KCNIP4: variants seen among roughly 807,000 people sequenced by gnomAD.
KCNIP4 encodes the protein Kv channel-interacting protein 4.
Under a neutral mutation model 34.0 loss-of-function variants are expected in KCNIP4, and 12 were observed. The observed-to-expected ratio is 0.35, with a 90% CI of 0.23 to 0.57. The LOEUF (loss-of-function observed/expected upper bound fraction) is 0.57, where lower values mean the gene tolerates loss of function less well. Among genes scored for constraint, KCNIP4 ranks in the 20% least tolerant of loss-of-function variants. The pLI, the probability that KCNIP4 is intolerant of heterozygous loss-of-function variation, is 0.83. For missense variants in KCNIP4, 238 were observed against 311.7 expected, an observed-to-expected ratio of 0.76 and a Z score of 1.78; for synonymous variants, 124 against 102.2, an observed-to-expected ratio of 1.21 and a Z score of -1.29.
intron 1 of KCNIP4, among the ~76,000 whole-genome samples, chr4:20,967,530 T>G (rs6830883): frequency 0.042 from 6,426 of 152,252 alleles, 437 homozygotes; most frequent in African/African-American, 0.14. Flanking sequence ...CTTCAAACTA[T>G]ACTACAAGGC....
At chr4:21,610,730 A>G (rs1291860772) in intron 1 of KCNIP4, among the ~76,000 whole-genome samples, 1 of 152,172 alleles carries the variant, frequency 6.6e-6, no homozygotes, top group Admixed American at 6.6e-5. Context: ...GTAATTTATA[A>G]AAGAAAGAGG....
chr4:20,866,142 C>G (rs769072923), intron 2 of KCNIP4, among the ~76,000 whole-genome samples: 1 of 151,986 alleles, frequency 6.6e-6, no homozygotes, highest in Admixed American at 6.6e-5. Flanking sequence ...AGGAGCCCCT[C>G]CCTAACTCAT....
chr4:21,891,775 C>T (rs1727109457), intron 1 of KCNIP4, among the ~76,000 whole-genome samples: 1 of 152,048 alleles, frequency 6.6e-6, no homozygotes, highest in South Asian at 2.1e-4. Context: ...CCTGGCTCAC[C>T]GGTTTCTGAA....
intron 1 of KCNIP4, among the ~76,000 whole-genome samples, chr4:21,271,712 A>C (rs1762153256): frequency 6.6e-6 from 1 of 152,152 alleles, no homozygotes; most frequent in Non-Finnish European, 1.5e-5. Flanking sequence ...GGGAGAAATA[A>C]AATCCTTCCG....
chr4:20,978,776 A>C (rs1319637274), intron 1 of KCNIP4, among the ~76,000 whole-genome samples: 1 of 152,102 alleles, frequency 6.6e-6, no homozygotes, highest in Non-Finnish European at 1.5e-5. Context: ...ATGATGTATT[A>C]TATTTTTTAT....
intron 1 of KCNIP4, among the ~76,000 whole-genome samples, chr4:21,941,368 G>T (rs1356533607): frequency 2.0e-5 from 3 of 151,948 alleles, no homozygotes; most frequent in Admixed American, 2.0e-4. Flanking sequence ...TTCTGATCTG[G>T]GCTATGATAA....
chr4:20,782,847 A>AT (rs1756990076), intron 3 of KCNIP4, among the ~76,000 whole-genome samples: 1 of 152,070 alleles, frequency 6.6e-6, no homozygotes, highest in Non-Finnish European at 1.5e-5. Flanking sequence ...AGAAAATGGG[A>AT]TTTTCTTTCC....
At chr4:21,298,230 A>G (rs889418789) in intron 1 of KCNIP4, among the ~76,000 whole-genome samples, 3 of 152,170 alleles carry the variant, frequency 2.0e-5, no homozygotes, top group Admixed American at 2.0e-4. Flanking sequence ...AACTAGAACC[A>G]TCAGTGCTCC....
chr4:20,782,682 AT>A (rs1375269376), intron 3 of KCNIP4, among the ~76,000 whole-genome samples: 4 of 151,780 alleles, frequency 2.6e-5, no homozygotes, highest in South Asian at 4.2e-4. Context: ...CAACGAAACC[AT>A]TTTTTTCCTC....
At chr4:21,080,013 G>A (rs907466490) in intron 1 of KCNIP4, among the ~76,000 whole-genome samples, 1 of 151,870 alleles carries the variant, frequency 6.6e-6, no homozygotes, top group African/African-American at 2.4e-5. Context: ...AAAACTGAAA[G>A]ATAGTAAATT....
chr4:20,908,287 G>T (rs1216809032), intron 1 of KCNIP4, among the ~76,000 whole-genome samples: 5 of 152,086 alleles, frequency 3.3e-5, no homozygotes, highest in Admixed American at 6.5e-5. Context: ...TTCACTAGAG[G>T]CAGGGCTTCA....
At position 20,771,707 on chromosome 4, in the gene KCNIP4, C is replaced by T. The variant is rs148540996; in HGVS notation, c.289-12817G>A. ...TTTTTTGAGACAGAATCTCGCTCTG[C>T]CGCCCAGGCTGGAGTGCAGTGCTGC... On this transcript the variant is annotated intron_variant, in intron 3 of 8. Coordinates refer to ENST00000382152, the MANE Select transcript of KCNIP4 (RefSeq NM_025221.6). 5.0e-3 allele frequency among the ~76,000 whole-genome samples: 759 copies of T among 151,736 alleles called. 7 individuals carry two copies. The highest frequency in any genetic ancestry group is 0.04 in the South Asian group (191 of 4,792).
intron 2 of KCNIP4, among the ~76,000 whole-genome samples, chr4:20,854,730 T>G (rs10938815): frequency 0.35 from 53,603 of 152,014 alleles, 10,459 homozygotes; most frequent in Admixed American, 0.46. Context: ...AAAATGTTCA[T>G]ATTAGGTGCT....
intron 1 of KCNIP4, among the ~76,000 whole-genome samples, chr4:21,405,186 G>A (rs760839398): frequency 1.3e-5 from 2 of 152,030 alleles, no homozygotes; most frequent in East Asian, 1.9e-4. Flanking sequence ...GTAATTTTCC[G>A]TCCACTAACA....
At chr4:21,118,862 G>A (rs984830242) in intron 1 of KCNIP4, among the ~76,000 whole-genome samples, 1 of 152,148 alleles carries the variant, frequency 6.6e-6, no homozygotes, top group African/African-American at 2.4e-5. Flanking sequence ...ACAGAGGCTT[G>A]ACTTCTTGCC....
chr4:21,750,079 T>G (rs1286004916), intron 1 of KCNIP4, among the ~76,000 whole-genome samples: 1 of 152,178 alleles, frequency 6.6e-6, no homozygotes, highest in African/African-American at 2.4e-5. Context: ...TGAAATCTTG[T>G]GCCCATCCTC....
intron 1 of KCNIP4, among the ~76,000 whole-genome samples, chr4:21,912,689 A>C (rs1230310208): frequency 1.3e-5 from 2 of 152,118 alleles, no homozygotes; most frequent in Non-Finnish European, 2.9e-5. Flanking sequence ...AGGGTGGCAT[A>C]GCTTAAGGAT....
chr4:21,308,677 T>G lies in KCNIP4; in HGVS notation c.62-425968A>C, dbSNP rs571298949. 9.9e-5 allele frequency among the ~76,000 whole-genome samples: 15 copies of G among 151,820 alleles called. No individual in the cohort carries two copies. The East Asian group carries it at 2.9e-3, about 29-fold the overall frequency. On this transcript the variant is annotated intron_variant, in intron 1 of 8. Coordinates refer to ENST00000382152, the MANE Select transcript of KCNIP4 (RefSeq NM_025221.6). ...TTTCTCGCCCTTTCTGCATTAATGT[T>G]AGATACAAGAAAGTTCTGTGCCCCT... is the stretch of plus-strand genomic sequence containing the variant.
At chr4:21,660,282 C>G (rs1560602074) in intron 1 of KCNIP4, among the ~76,000 whole-genome samples, 2 of 152,160 alleles carry the variant, frequency 1.3e-5, no homozygotes, top group Admixed American at 6.6e-5. Flanking sequence ...CTTCATATCT[C>G]CTAAATGACC....
Sources: allele counts gnomAD v4.1 joint callset (sites outside exome capture counted in the v4.1 genomes callset), GRCh38; gene constraint gnomAD v4.1.1; transcripts MANE v1.5; gene names NCBI Gene and HGNC (gene_info 2026-07-23, HGNC 2026-07-21).